Variants in GRB14 observed in about 807,000 individuals in gnomAD.
GRB14 encodes growth factor receptor bound protein 14, also known as growth factor receptor-bound protein 14.
A neutral mutation model predicts 69.1 loss-of-function variants in GRB14; 38 were observed. The observed-to-expected ratio is 0.55, with a 90% CI of 0.42 to 0.72. The LOEUF is 0.72. Ranked by LOEUF, GRB14 falls within the 30% of genes least tolerant of loss-of-function variation. GRB14 has a pLI of 0.00. For missense variants in GRB14, 666 were observed against 666.1 expected, an observed-to-expected ratio of 1.00 and a Z score of 0.00; for synonymous variants, 247 against 241.3, an observed-to-expected ratio of 1.02 and a Z score of -0.22.
chr2:164,528,945 A>T (rs1238514125), intron 3 of GRB14, among the ~76,000 whole-genome samples: 1 of 152,154 alleles, frequency 6.6e-6, no homozygotes. Flanking sequence ...CTCAAACAGA[A>T]ATTTGTATAC....
intron 8 of GRB14, among the ~76,000 whole-genome samples, chr2:164,505,402 C>T (rs1161238744): frequency 6.6e-6 from 1 of 152,170 alleles, no homozygotes; most frequent in East Asian, 1.9e-4. Flanking sequence ...TAACATCTTA[C>T]ATTCACTATG....
chr2:164,617,959 T>TTTG (rs760744590), intron 2 of GRB14, among the ~76,000 whole-genome samples: 6 of 77,120 alleles, frequency 7.8e-5, no homozygotes, highest in African/African-American at 1.6e-4. Context: ...ATCTTTTTTT[T>TTTG]GGGGGGGGGG....
chr2:164,573,393 C>G lies in GRB14; in HGVS notation c.325-25577G>C, dbSNP rs146597121. Reference sequence around the variant, plus strand: ...TATGATTTTTTTCTGAACAAAAGCACAAAGTCTTCTTTACAGGAAAATGTA... The same window carrying G: ...TATGATTTTTTTCTGAACAAAAGCAGAAAGTCTTCTTTACAGGAAAATGTA... On this transcript the variant is annotated intron_variant, in intron 2 of 13. Coordinates refer to ENST00000263915, the MANE Select transcript of GRB14 (RefSeq NM_004490.3). 7.2e-4 allele frequency among the ~76,000 whole-genome samples: 110 copies of G among 152,298 alleles called. 1 individual carries two copies. The East Asian group carries it at 0.017, about 23-fold the overall frequency.
intron 3 of GRB14, among the ~76,000 whole-genome samples, chr2:164,545,226 A>G (rs529848010): frequency 2.6e-5 from 4 of 152,250 alleles, no homozygotes; most frequent in Non-Finnish European, 4.4e-5. Flanking sequence ...AAGTTGTTAA[A>G]CATATAATGC....
rs1414993549 is a variant in GRB14, at chr2:164,521,989, T to C, written c.807A>G (p.Gly269=). ...RRSGLYFSTK[G]TSKEPRHLQF... is the part of the protein sequence containing the mutation. ...GGATACTTCAATTTACCTTTGATGT[T>C]CCTTTAGTAGAAAAATATAAACCAG... The change falls in exon 6 of 14, where the codon GGA becomes GGG. Residue 269 remains glycine (G), a synonymous_variant. Coordinates refer to ENST00000263915, the MANE Select transcript of GRB14 (RefSeq NM_004490.3). 2 of 1,600,502 alleles carry C rather than the reference T, an allele frequency of 1.2e-6. No individual in the cohort carries two copies. The highest frequency in any genetic ancestry group is 2.2e-5 in the South Asian group (2 of 89,652).
intron 2 of GRB14, among the ~76,000 whole-genome samples, chr2:164,561,262 C>T (rs549161812): frequency 1.6e-4 from 25 of 152,264 alleles, no homozygotes; most frequent in African/African-American, 5.8e-4. Context: ...TTATTATTAG[C>T]CATGAGTTTT....
At chr2:164,602,618 A>T (rs1356983257) in intron 2 of GRB14, among the ~76,000 whole-genome samples, 1 of 152,250 alleles carries the variant, frequency 6.6e-6, no homozygotes, top group Non-Finnish European at 1.5e-5. Flanking sequence ...CAAAGATTTT[A>T]AAAATGAATC....
chr2:164,555,180 A>G (rs1688646695), intron 2 of GRB14, among the ~76,000 whole-genome samples: 1 of 152,224 alleles, frequency 6.6e-6, no homozygotes, highest in South Asian at 2.1e-4. Flanking sequence ...TGCTGACTCC[A>G]AGGAATGGGA....
intron 2 of GRB14, among the ~76,000 whole-genome samples, chr2:164,615,269 T>TTATTTGATAATAAAATCAAA (rs1449764435): frequency 6.6e-6 from 1 of 152,144 alleles, no homozygotes; most frequent in Non-Finnish European, 1.5e-5. Flanking sequence ...CTAATAAATC[T>TTATTTGATAATAAAATCAAA]TATTTGATAA....
chr2:164,606,782 A>G (rs925434308), intron 2 of GRB14, among the ~76,000 whole-genome samples: 14 of 152,216 alleles, frequency 9.2e-5, no homozygotes, highest in Admixed American at 6.5e-4. Context: ...GAGAAACTAG[A>G]TACTGGCTAG....
At chr2:164,593,713 A>G (rs1689720059) in intron 2 of GRB14, among the ~76,000 whole-genome samples, 1 of 152,186 alleles carries the variant, frequency 6.6e-6, no homozygotes. Flanking sequence ...GCAGCCCTAG[A>G]GAGCAACGTC....
intron 3 of GRB14, among the ~76,000 whole-genome samples, chr2:164,533,197 C>T (rs915591746): frequency 6.6e-6 from 1 of 150,652 alleles, no homozygotes; most frequent in Non-Finnish European, 1.5e-5. Context: ...ATGCTCCTGC[C>T]GTTCTCTACC....
chr2:164,497,873 T>A (rs1469959716), intron 9 of GRB14, among the ~76,000 whole-genome samples: 1 of 152,172 alleles, frequency 6.6e-6, no homozygotes, highest in African/African-American at 2.4e-5. Flanking sequence ...AAAAGATACA[T>A]TGTTTCTGAA....
Position 164,492,859 on chromosome 2 carries a change from T to A in GRB14, c.*177A>T. 2.0e-6 allele frequency: 1 copy of A among 494,616 alleles called. No homozygotes were observed. The highest frequency in any genetic ancestry group is 3.4e-6 in the Non-Finnish European group (1 of 290,012). The allele number at this position is 494,616 out of a possible 1,614,324, so 30.6% of individuals were successfully genotyped here. A position where few individuals can be genotyped will look rare whatever the true frequency, so the allele number is the denominator to read the frequency against. ...ATTTTAACTAATGAATTTTAAATGA[T>A]GAATGTAAAGTCAATCCAAGTCTTT... On this transcript the variant is annotated 3_prime_UTR_variant, in exon 14 of 14. Coordinates refer to ENST00000263915, the MANE Select transcript of GRB14 (RefSeq NM_004490.3).
At chr2:164,514,194 G>C (rs1044775542) in intron 6 of GRB14, among the ~76,000 whole-genome samples, 1 of 152,162 alleles carries the variant, frequency 6.6e-6, no homozygotes, top group African/African-American at 2.4e-5. Flanking sequence ...AGAAGTAAAG[G>C]AACAGGAGGC....
rs1271841961 is a variant in GRB14, at chr2:164,492,985, T to G, written c.*51A>C. 1 of 1,527,238 alleles carries G rather than the reference T, an allele frequency of 6.5e-7. No individual in the cohort carries two copies. Among genetic ancestry groups the G allele is most frequent in the South Asian group, 1.2e-5 (1 of 80,232 alleles). The allele number at this position is 1,527,238 out of a possible 1,614,324, so 94.6% of individuals were successfully genotyped here. On this transcript the variant is annotated 3_prime_UTR_variant, in exon 14 of 14. Transcript: ENST00000263915. ...GCCCTTATTTATGGTCTTTTATTAT[T>G]TTTCTTGAGTCCTTTTCCTTCAATA...
At chr2:164,583,169 A>G (rs1213193389) in intron 2 of GRB14, among the ~76,000 whole-genome samples, 1 of 152,220 alleles carries the variant, frequency 6.6e-6, no homozygotes, top group African/African-American at 2.4e-5. Context: ...CCTGTTTATC[A>G]CTAAATATCA....
At chr2:164,600,372 T>C (rs1689886725) in intron 2 of GRB14, among the ~76,000 whole-genome samples, 1 of 152,190 alleles carries the variant, frequency 6.6e-6, no homozygotes, top group Non-Finnish European at 1.5e-5. Context: ...CTTTAAAAAA[T>C]TATAGAACTT....
intron 6 of GRB14, among the ~76,000 whole-genome samples, chr2:164,520,880 G>A (rs1055431199): frequency 1.3e-5 from 2 of 152,098 alleles, no homozygotes; most frequent in African/African-American, 2.4e-5. Context: ...GTGTGGATGT[G>A]GTGAAAAGGG....
Sources: gnomAD v4.1 joint callset for allele counts (sites outside exome capture counted in the v4.1 genomes callset) on GRCh38, gnomAD v4.1.1 for gene constraint, MANE v1.5 for transcripts, NCBI Gene and HGNC (gene_info 2026-07-23, HGNC 2026-07-21) for gene names.